PLCB4: variants seen among roughly 807,000 people sequenced by gnomAD.
The protein encoded by PLCB4 is 1-phosphatidylinositol 4,5-bisphosphate phosphodiesterase beta-4.
In PLCB4, 77 loss-of-function variants were observed where a neutral mutation model predicts 178.8. That is an observed-to-expected ratio of 0.43 (90% CI 0.36 to 0.52). The LOEUF is 0.52. Among genes scored for constraint, PLCB4 ranks in the 20% least tolerant of loss-of-function variants. The pLI, the probability that PLCB4 is intolerant of heterozygous loss-of-function variation, is 0.00. For missense variants in PLCB4, 1,024 were observed against 1,453.4 expected (o/e 0.70, Z 4.80); for synonymous variants, 496 against 490.8 (o/e 1.01, Z -0.14).
intron 32 of PLCB4, 80 bp downstream of exon 32, chr20:9,444,323 A>T: frequency 1.2e-6 from 1 of 813,636 alleles, no homozygotes; most frequent in Non-Finnish European, 2.1e-6. Flanking sequence ...TGAAGCTGAT[A>T]CCAGACCACT....
At chr20:9,388,202 C>T (rs1259612469) in intron 15 of PLCB4, among the ~76,000 whole-genome samples, 1 of 152,212 alleles carries the variant, frequency 6.6e-6, no homozygotes, top group Non-Finnish European at 1.5e-5. Flanking sequence ...TACACTGTTG[C>T]ATTCTAGCCT....
chr20:9,439,573 C>G (rs138626908), intron 30 of PLCB4, among the ~76,000 whole-genome samples: 12 of 152,314 alleles, frequency 7.9e-5, no homozygotes, highest in Admixed American at 6.5e-4. Context: ...AACTGAAAAA[C>G]AGCAGTATAG....
chr20:9,102,752 A>G (rs1449946098), intron 2 of PLCB4, among the ~76,000 whole-genome samples: 1 of 152,062 alleles, frequency 6.6e-6, no homozygotes, highest in Non-Finnish European at 1.5e-5. Context: ...GGGGGGGGCT[A>G]TAGCTTGAAC....
At chr20:9,466,524 A>C (rs2043796541) in intron 35 of PLCB4, among the ~76,000 whole-genome samples, 1 of 152,216 alleles carries the variant, frequency 6.6e-6, no homozygotes, top group South Asian at 2.1e-4. Context: ...AAATTTTTGC[A>C]GTCTACCCAT....
chr20:9,242,174 A>G (rs999270117), intron 3 of PLCB4, among the ~76,000 whole-genome samples: 1 of 152,216 alleles, frequency 6.6e-6, no homozygotes, highest in Non-Finnish European at 1.5e-5. Context: ...AAGTTACAGG[A>G]CAAAGGCCAA....
At chr20:9,184,599 CAA>C (rs56964078) in intron 2 of PLCB4, among the ~76,000 whole-genome samples, 20,404 of 117,218 alleles carry the variant, frequency 0.17, 1,194 homozygotes, top group East Asian at 0.26. Flanking sequence ...CATTGTGCCT[CAA>C]AAAAAAAAAA....
intron 3 of PLCB4, among the ~76,000 whole-genome samples, chr20:9,275,428 A>G (rs1963144): frequency 0.06 from 9,120 of 152,104 alleles, 869 homozygotes; most frequent in African/African-American, 0.2. Context: ...AAACCATATC[A>G]TTTATGAAAC....
rs941665896 is a variant in PLCB4 at position 9,371,384 on chromosome 20, G to T, written c.585+89G>T. 1.3e-5 allele frequency: 9 copies of T among 675,898 alleles called. No individual in the cohort carries two copies. The African/African-American group carries it at 1.5e-4, about 11-fold the overall frequency. 41.9% of individuals were successfully genotyped at this position (675,898 alleles called of 1,614,324 possible). A position where few individuals can be genotyped will look rare whatever the true frequency, so the allele number is the denominator to read the frequency against. ...TGAGCTAGATTATTTATATTAAACT[G>T]ATCTAAATTAGATTTGGAATTATAT... On this transcript the variant is annotated intron_variant, in intron 10 of 39. Coordinates refer to ENST00000378473, the MANE Select transcript of PLCB4 (RefSeq NM_001377142.1).
At chr20:9,212,098 A>T (rs1407072933) in intron 2 of PLCB4, among the ~76,000 whole-genome samples, 4 of 152,168 alleles carry the variant, frequency 2.6e-5, no homozygotes, top group African/African-American at 9.7e-5. Flanking sequence ...TTGCCAAATG[A>T]TATATTAGCC....
chr20:9,086,749 G>C (rs1426601182), intron 1 of PLCB4, among the ~76,000 whole-genome samples: 1 of 152,124 alleles, frequency 6.6e-6, no homozygotes, highest in Non-Finnish European at 1.5e-5. Flanking sequence ...GCTCAGATTA[G>C]GAGCACCGAT....
At chr20:9,405,621 C>T (rs549847800) in intron 21 of PLCB4, among the ~76,000 whole-genome samples, 9 of 152,236 alleles carry the variant, frequency 5.9e-5, no homozygotes, top group African/African-American at 2.2e-4. Flanking sequence ...GTCATCAAAT[C>T]CATATTATAG....
chr20:9,464,294 A>G (rs1320162319), intron 35 of PLCB4, among the ~76,000 whole-genome samples: 1 of 152,236 alleles, frequency 6.6e-6, no homozygotes, highest in Admixed American at 6.5e-5. Context: ...GTAGAGGGAA[A>G]TTTATAGCAC....
intron 3 of PLCB4, among the ~76,000 whole-genome samples, chr20:9,242,885 C>A (rs993629602): frequency 1.3e-5 from 2 of 152,048 alleles, no homozygotes; most frequent in East Asian, 3.9e-4. Context: ...GATGTTGATG[C>A]GTGCTCAATT....
chr20:9,456,433 A>G (rs774587969), intron 33 of PLCB4, among the ~76,000 whole-genome samples: 1 of 152,228 alleles, frequency 6.6e-6, no homozygotes, highest in Non-Finnish European at 1.5e-5. Context: ...GGAAAATTCT[A>G]AATTACAGAA....
intron 35 of PLCB4, among the ~76,000 whole-genome samples, chr20:9,463,123 A>G (rs909951417): frequency 6.6e-6 from 1 of 152,216 alleles, no homozygotes; most frequent in African/African-American, 2.4e-5. Flanking sequence ...CAACATTCTT[A>G]AAGAAAGGAT....
intron 2 of PLCB4, among the ~76,000 whole-genome samples, chr20:9,139,748 G>A (rs1312493888): frequency 6.6e-6 from 1 of 151,988 alleles, no homozygotes; most frequent in Admixed American, 6.6e-5. Context: ...TGTTCCACGT[G>A]TCACCAGCCA....
At chr20:9,112,768 G>T (rs888129937) in intron 2 of PLCB4, among the ~76,000 whole-genome samples, 3 of 152,106 alleles carry the variant, frequency 2.0e-5, no homozygotes, top group Admixed American at 2.0e-4. Flanking sequence ...GAGCTGAAAA[G>T]CATAATGTGT....
At chr20:9,293,452 A>G (rs1407101109) in intron 3 of PLCB4, among the ~76,000 whole-genome samples, 1 of 151,608 alleles carries the variant, frequency 6.6e-6, no homozygotes, top group Non-Finnish European at 1.5e-5. Flanking sequence ...CCTGGGTGAC[A>G]GAGAGAGACT....
chr20:9,284,627 C>T (rs1198521273), intron 3 of PLCB4, among the ~76,000 whole-genome samples: 2 of 151,764 alleles, frequency 1.3e-5, no homozygotes, highest in African/African-American at 2.4e-5. Flanking sequence ...TCACCTTGGT[C>T]CCCCCTGTGA....
Sources: gnomAD v4.1 joint callset for allele counts (sites outside exome capture counted in the v4.1 genomes callset) on GRCh38, gnomAD v4.1.1 for gene constraint, MANE v1.5 for transcripts, NCBI Gene and HGNC (gene_info 2026-07-23, HGNC 2026-07-21) for gene names.